The following COL24A1 variants were observed in gnomAD, a reference collection of about 807,000 sequenced individuals.
The protein encoded by COL24A1 is collagen alpha-1(XXIV) chain.
In COL24A1, 224 loss-of-function variants were observed where a neutral mutation model predicts 253.9. That is an observed-to-expected ratio of 0.88 (90% CI 0.79 to 0.99). The LOEUF (loss-of-function observed/expected upper bound fraction) is 0.99, where lower values mean the gene tolerates loss of function less well. COL24A1 is among the 50% of genes least tolerant of loss of function. The probability of loss-of-function intolerance (pLI) is 0.00; values close to 1 mark genes in which losing one functional copy is unlikely to be tolerated. For missense variants in COL24A1, 2,131 were observed against 2,068.5 expected (o/e 1.03, Z -0.59); for synonymous variants, 685 against 673.7 (o/e 1.02, Z -0.26).
chr1:85,856,330 G>C (rs1298091578), intron 37 of COL24A1, among the ~76,000 whole-genome samples: 1 of 152,062 alleles, frequency 6.6e-6, no homozygotes, highest in Non-Finnish European at 1.5e-5. Flanking sequence ...TAGGTATTTA[G>C]TGCTATAAAC....
chr1:86,053,205 A>G (rs886996067), intron 10 of COL24A1, among the ~76,000 whole-genome samples: 1 of 152,062 alleles, frequency 6.6e-6, no homozygotes, highest in Non-Finnish European at 1.5e-5. Flanking sequence ...GTCAGCTAAC[A>G]TTTGTTTTAA....
intron 38 of COL24A1, among the ~76,000 whole-genome samples, chr1:85,848,125 G>T (rs76913413): frequency 0.011 from 1,682 of 152,244 alleles, 23 homozygotes; most frequent in African/African-American, 0.038. Flanking sequence ...TTTCTATAGA[G>T]AATTTCAATG....
chr1:85,981,558 G>GA (rs1368220452), intron 20 of COL24A1, among the ~76,000 whole-genome samples: 1 of 151,738 alleles, frequency 6.6e-6, no homozygotes, highest in Admixed American at 6.6e-5. Flanking sequence ...GATAACACTG[G>GA]AAAAAAATCT....
chr1:85,841,992 T>C (rs1676662445), intron 41 of COL24A1, 76 bp downstream of exon 41: 14 of 1,293,892 alleles, frequency 1.1e-5, no homozygotes, highest in Non-Finnish European at 1.4e-5. Context: ...TGAAAATTTT[T>C]CCATGCAGTC....
At chr1:85,903,303 ACT>A (rs1684500026) in intron 28 of COL24A1, among the ~76,000 whole-genome samples, 1 of 152,152 alleles carries the variant, frequency 6.6e-6, no homozygotes, top group Admixed American at 6.5e-5. Context: ...AAAGCTTGGT[ACT>A]CTCTCTGTTT....
chr1:85,838,304 T>A (rs1246000525), intron 43 of COL24A1, among the ~76,000 whole-genome samples: 2 of 152,166 alleles, frequency 1.3e-5, no homozygotes, highest in Non-Finnish European at 2.9e-5. Context: ...TCGAGTAATA[T>A]GGTCCAGAGT....
intron 5 of COL24A1, among the ~76,000 whole-genome samples, chr1:86,109,208 C>T (rs545378316): frequency 6.6e-6 from 1 of 152,160 alleles, no homozygotes; most frequent in Admixed American, 6.5e-5. Flanking sequence ...TTCCTAATTT[C>T]TTTAGAAGCC....
At chr1:85,978,290 C>T (rs1487055288) in intron 20 of COL24A1, among the ~76,000 whole-genome samples, 1 of 152,010 alleles carries the variant, frequency 6.6e-6, no homozygotes, top group African/African-American at 2.4e-5. Context: ...GCATAAATCT[C>T]ACAGGCCTAT....
chr1:86,022,314 A>ACAGG (rs397741763), intron 17 of COL24A1, 21 bp from the exon 18 acceptor site: 55 of 1,597,134 alleles, frequency 3.4e-5, no homozygotes, highest in Non-Finnish European at 4.6e-5. Flanking sequence ...AGAATAACAG[A>ACAGG]AGAGAAAGTT....
chr1:85,893,797 A>G (rs1683378494), intron 31 of COL24A1, among the ~76,000 whole-genome samples: 1 of 152,116 alleles, frequency 6.6e-6, no homozygotes, highest in African/African-American at 2.4e-5. Flanking sequence ...TTTAAAATTC[A>G]TTTTAAAAAT....
chr1:85,816,179 G>T (rs1238203123), intron 47 of COL24A1, among the ~76,000 whole-genome samples: 1 of 152,094 alleles, frequency 6.6e-6, no homozygotes, highest in Non-Finnish European at 1.5e-5. Context: ...CGAGCTAGCT[G>T]TGATTGTCCT....
At chr1:86,067,131 T>G (rs1233743694) in intron 7 of COL24A1, among the ~76,000 whole-genome samples, 1 of 149,532 alleles carries the variant, frequency 6.7e-6, no homozygotes, top group East Asian at 2.0e-4. Flanking sequence ...AGAGCAAGAC[T>G]CCATCTCAAA....
intron 31 of COL24A1, among the ~76,000 whole-genome samples, 158 bp from the exon 32 acceptor site, chr1:85,889,771 T>A (rs1472504843): frequency 6.6e-6 from 1 of 151,848 alleles, no homozygotes; most frequent in Non-Finnish European, 1.5e-5. Flanking sequence ...ACACACAACA[T>A]AAAATTTACT....
At chr1:85,907,323 T>C in intron 27 of COL24A1, 76 bp from the exon 28 acceptor site, 1 of 1,216,480 alleles carries the variant, frequency 8.2e-7, no homozygotes, top group Non-Finnish European at 1.2e-6. Flanking sequence ...ATCTTTCTTA[T>C]AACATATATC....
intron 37 of COL24A1, among the ~76,000 whole-genome samples, chr1:85,866,675 G>A (rs1386720732): frequency 6.6e-6 from 1 of 152,122 alleles, no homozygotes; most frequent in Non-Finnish European, 1.5e-5. Flanking sequence ...TCTGGAGGCA[G>A]AGGTAACAGA....
chr1:85,868,065 T>C (rs956719368), intron 37 of COL24A1, among the ~76,000 whole-genome samples: 3 of 152,142 alleles, frequency 2.0e-5, no homozygotes, highest in Non-Finnish European at 4.4e-5. Flanking sequence ...CTTCCACTTG[T>C]CTTGAGGTGA....
intron 48 of COL24A1, among the ~76,000 whole-genome samples, chr1:85,785,977 T>C (rs749991611): frequency 5.0e-4 from 76 of 152,312 alleles, no homozygotes; most frequent in Admixed American, 5.2e-4. Context: ...AATTGGTTGG[T>C]TAGGTTCAGA....
In COL24A1 at chr1:85,896,424, A is replaced by G; in HGVS notation, c.2779-15T>C. On this transcript the variant is annotated splice_polypyrimidine_tract_variant and intron_variant, in intron 28 of 59. Coordinates refer to ENST00000370571, the MANE Select transcript of COL24A1 (RefSeq NM_152890.7). The stretch of plus-strand genomic sequence containing the variant: ...CCTCTTGATCCCTAGAGGTGAAAAA[A>G]ATATCCTGTTGTTAATTTGAAATGT... 1 of 1,605,642 alleles carries G rather than the reference A, an allele frequency of 6.2e-7. No homozygotes were observed.
intron 10 of COL24A1, among the ~76,000 whole-genome samples, chr1:86,053,868 A>G (rs775822438): frequency 2.6e-5 from 4 of 152,154 alleles, no homozygotes; most frequent in Non-Finnish European, 4.4e-5. Context: ...AACATTTAGA[A>G]TTTACCAGTA....
Sources: gnomAD v4.1 joint callset for allele counts (sites outside exome capture counted in the v4.1 genomes callset) on GRCh38, gnomAD v4.1.1 for gene constraint, MANE v1.5 for transcripts, NCBI Gene and HGNC (gene_info 2026-07-23, HGNC 2026-07-21) for gene names.